EPS8L2: variants seen among roughly 807,000 people sequenced by gnomAD.
The protein encoded by EPS8L2 is EPS8 signaling adaptor L2.
EPS8L2 carries 81 observed loss-of-function variants against 99.4 expected under a neutral mutation model. That is an observed-to-expected ratio of 0.82 (90% confidence interval 0.68 to 0.98). The LOEUF is 0.98. Among genes scored for constraint, EPS8L2 ranks in the 50% least tolerant of loss-of-function variants. The pLI, the probability that EPS8L2 is intolerant of heterozygous loss-of-function variation, is 0.00. For synonymous variants in EPS8L2, 509 were observed against 407.3 expected (o/e 1.25, Z -3.01); for missense variants, 1,155 against 968.8 (o/e 1.19, Z -2.55).
At chr11:721,807 A>T in intron 10 of EPS8L2, 96 bp from the exon 11 acceptor site, 2 of 1,509,392 alleles carry the variant, frequency 1.3e-6, no homozygotes, top group Non-Finnish European at 1.8e-6. Context: ...GAGGTGGAGG[A>T]AGGTCCAGCC....
chr11:725,497 T>G, intron 16 of EPS8L2, among the ~76,000 whole-genome samples: 1 of 151,422 alleles, frequency 6.6e-6, no homozygotes, highest in Non-Finnish European at 1.5e-5. Flanking sequence ...GGCGGCAGAG[T>G]GAGACCCTGT....
At chr11:716,151 G>A (rs1248557089) in intron 4 of EPS8L2, among the ~76,000 whole-genome samples, 12 of 143,016 alleles carry the variant, frequency 8.4e-5, no homozygotes, top group Admixed American at 2.1e-4. Context: ...TTTTGTGTGG[G>A]GTTTTTTTTT....
chr11:720,190 C>G lies in EPS8L2; in HGVS notation c.294C>G (p.Asp98Glu). Residue 98 changes from aspartate (D) to glutamate (E), a missense_variant, in exon 5 of 21, where the codon GAC becomes GAG. Coordinates refer to ENST00000318562, the MANE Select transcript of EPS8L2 (RefSeq NM_022772.4). ...WTQEMLLQVNDQSLRLLDIES... is the reference protein window; with the variant it reads ...WTQEMLLQVNEQSLRLLDIES... ...AGGAGATGCTGCTGCAGGTGAACGA[C>G]CAGTCGCTGCGGCTGCTGGACATCG... 6.2e-7 allele frequency: 1 copy of G among 1,613,352 alleles called. No individual in the cohort carries two copies. The highest frequency in any genetic ancestry group is 8.5e-7 in the Non-Finnish European group (1 of 1,179,972).
In EPS8L2 at chr11:722,823, C is replaced by T; in HGVS notation, c.1341+18C>T. The T allele has an allele frequency of 6.6e-7, 1 of 1,517,556 alleles. No homozygotes were observed. The highest frequency in any genetic ancestry group is 1.2e-5 in the South Asian group (1 of 80,342). 94.0% of individuals were successfully genotyped at this position (1,517,556 alleles called of 1,614,324 possible). Reference sequence around the variant, plus strand: ...TCGAGGAGGTGAGAGCACCAGCAGCCCCCATCCCTACCCCAGCCCCAACAC... The same window carrying T: ...TCGAGGAGGTGAGAGCACCAGCAGCTCCCATCCCTACCCCAGCCCCAACAC... On this transcript the variant is annotated intron_variant, in intron 14 of 20. Transcript: ENST00000318562.
chr11:706,524 G>A, intron 1 of EPS8L2: 1 of 152,688 alleles, frequency 6.5e-6, no homozygotes, highest in Non-Finnish European at 1.5e-5. Context: ...GGTCCTGGGC[G>A]GCGGCCGGCG....
Position 725,733 on chromosome 11 carries a change from G to C in EPS8L2, c.1566G>C (p.Leu522=). Reference sequence around the variant, plus strand: ...GCTGACGGCGCGCCCCGCAGGTGCTGGAGGACGGCCGGCAGTGGTGGAAGC... The same window carrying C: ...GCTGACGGCGCGCCCCGCAGGTGCTCGAGGACGGCCGGCAGTGGTGGAAGC... ...SVLKDEVLEV[L]EDGRQWWKLR... is the part of the protein sequence containing the mutation. Residue 522 remains leucine (L), a synonymous_variant, in exon 17 of 21, where the codon CTG becomes CTC. Transcript: ENST00000318562. The C allele has an allele frequency of 7.5e-7, 1 of 1,327,020 alleles. No individual in the cohort carries two copies. The highest frequency in any genetic ancestry group is 9.6e-7 in the Non-Finnish European group (1 of 1,040,278). 82.2% of individuals were successfully genotyped at this position (1,327,020 alleles called of 1,614,324 possible).
chr11:721,920 C>A lies in EPS8L2; in HGVS notation c.913C>A (p.Arg305=). Reference sequence around the variant, plus strand: ...CATGCCAGAGGGCGTCCTCACACTGCGGGCACGGCCCCCCTCTGAGGGCGA... The same window carrying A: ...CATGCCAGAGGGCGTCCTCACACTGAGGGCACGGCCCCCCTCTGAGGGCGA... ...KAPAEGVLTL[R]ARPPSEGEFI... The change falls in exon 11 of 21, where the codon CGG becomes AGG. Residue 305 remains arginine, a synonymous_variant. Transcript: ENST00000318562. The A allele has an allele frequency of 6.3e-7, 1 of 1,593,234 alleles. No homozygotes were observed. The highest frequency in any genetic ancestry group is 8.5e-7 in the Non-Finnish European group (1 of 1,170,322).
rs903535044 is a variant in EPS8L2 at position 726,769 on chromosome 11, C to T, written c.2067+18C>T. On this transcript the variant is annotated intron_variant, in intron 20 of 20. Transcript: ENST00000318562. ...TCCTGGAGGTGAGCCCGCCTGCGCT[C>T]CGGCGCCACGCCCCTCCTGCCCCTG... 1 of 1,584,016 alleles carries T rather than the reference C, an allele frequency of 6.3e-7. No homozygotes were observed. The highest frequency in any genetic ancestry group is 8.6e-7 in the Non-Finnish European group (1 of 1,166,770).
intron 15 of EPS8L2, 66 bp downstream of exon 15, chr11:723,419 C>A: frequency 1.5e-6 from 1 of 686,906 alleles, no homozygotes; most frequent in Non-Finnish European, 2.4e-6. Context: ...TCTCTAAAAA[C>A]ATATGGGTAC....
In EPS8L2 at chr11:715,167, C is replaced by T. The variant is rs375811874; in HGVS notation, c.165+4681C>T. On this transcript the variant is annotated intron_variant, in intron 4 of 20. Coordinates refer to ENST00000318562, the MANE Select transcript of EPS8L2 (RefSeq NM_022772.4). Reference sequence around the variant, plus strand: ...TGAGGCAGGAGAATGGCGTGAACCCCGGAGGCGGAGCTTGCAGTAAGCTGA... The same window carrying T: ...TGAGGCAGGAGAATGGCGTGAACCCTGGAGGCGGAGCTTGCAGTAAGCTGA... Among the ~76,000 whole-genome samples the T allele has an allele frequency of 1.2e-4, 18 of 151,688 alleles. No homozygotes were observed. In the South Asian group the frequency reaches 1.3e-3, roughly 11 times the overall value.
rs1176933391 is a variant in EPS8L2, at chr11:720,034, C to A, written c.166-28C>A. 3.8e-6 allele frequency: 6 copies of A among 1,597,464 alleles called. No individual in the cohort carries two copies. In the South Asian group the frequency reaches 6.8e-5, roughly 18 times the overall value. On this transcript the variant is annotated intron_variant, in intron 4 of 20. Transcript: ENST00000318562. ...GCTTTCGACACAAGGAGGGCTCTGC[C>A]CAGCAGTGACCACCTGCCCACCCCC...
chr11:718,294 C>T (rs1028103151), intron 4 of EPS8L2, among the ~76,000 whole-genome samples: 1 of 152,122 alleles, frequency 6.6e-6, no homozygotes, highest in Non-Finnish European at 1.5e-5. Flanking sequence ...GATCACACCA[C>T]TGCATTCCAG....
Position 722,588 on chromosome 11 carries a change from G to A in EPS8L2, c.1208+39G>A, listed in dbSNP as rs770436318. 5 of 1,610,876 alleles carry A rather than the reference G, an allele frequency of 3.1e-6. No individual in the cohort carries two copies. In the Middle Eastern group the frequency reaches 6.6e-4, roughly 213 times the overall value. On this transcript the variant is annotated intron_variant, in intron 13 of 20. Coordinates refer to ENST00000318562, the MANE Select transcript of EPS8L2 (RefSeq NM_022772.4). Reference sequence around the variant, plus strand: ...GAGCAGTGCCGGGGCTTCATGGGGGGCCAGCGCTGCATGGGGGCCAGCAAG... The same window carrying A: ...GAGCAGTGCCGGGGCTTCATGGGGGACCAGCGCTGCATGGGGGCCAGCAAG...
rs200836812 is a variant in EPS8L2 at position 721,252 on chromosome 11, G to A, written c.701-33G>A. ...GGGCTCCACAGGGCTCGTTGTGGGG[G>A]GCTCGGTGAGCAGCCGCCGTGTCCC... On this transcript the variant is annotated intron_variant, in intron 8 of 20. Coordinates refer to ENST00000318562, the MANE Select transcript of EPS8L2 (RefSeq NM_022772.4). 8.5e-4 allele frequency: 1,311 copies of A among 1,538,142 alleles called. 16 individuals carry two copies. In the East Asian group the frequency reaches 0.028, roughly 33 times the overall value.
chr11:709,456 G>GGCCACC lies in EPS8L2; in HGVS notation c.44+5_44+6insGCCACC. The GGCCACC allele has an allele frequency of 6.3e-7, 1 of 1,588,558 alleles. No homozygotes were observed. Reference sequence around the variant, plus strand: ...CTGCTGCCCGGGTGCCACCAAGTGAGCCCTCCCACCCATCCCGAATACCCC... The same window carrying GGCCACC: ...CTGCTGCCCGGGTGCCACCAAGTGAGGCCACCCCCTCCCACCCATCCCGAATACCCC... On this transcript the variant is annotated splice_donor_region_variant and intron_variant, in intron 2 of 20. Transcript: ENST00000318562.
intron 4 of EPS8L2, among the ~76,000 whole-genome samples, chr11:715,053 T>C (rs113706806): frequency 0.031 from 4,694 of 152,104 alleles, 94 homozygotes; most frequent in Middle Eastern, 0.1. Context: ...CCATTCTGGC[T>C]AACATGGTGA....
At chr11:710,883 G>C (rs993433016) in intron 4 of EPS8L2, among the ~76,000 whole-genome samples, 1 of 152,136 alleles carries the variant, frequency 6.6e-6, no homozygotes, top group African/African-American at 2.4e-5. Context: ...CCCGGGCTCA[G>C]CCACGGGGCC....
intron 15 of EPS8L2, among the ~76,000 whole-genome samples, chr11:723,993 C>T (rs910778935): frequency 2.6e-5 from 4 of 152,206 alleles, no homozygotes; most frequent in Non-Finnish European, 5.9e-5. Context: ...GTCAGCCTGG[C>T]TCCCGTGGTC....
At position 721,687 on chromosome 11, in the gene EPS8L2, A is replaced by C; in HGVS notation, c.891A>C (p.Pro297=). The change falls in exon 10 of 21, where the codon CCA becomes CCC. Residue 297 remains proline (P), a synonymous_variant. Transcript: ENST00000318562. ...GGAAGAAGAAGGGCAAGAAGGCGCC[A>C]GCAGGTGCAGGGGACAGGGACGGGG... The part of the protein sequence containing the change: ...KKGKKKGKKA[P]AEGVLTLRAR... The C allele has an allele frequency of 6.3e-7, 1 of 1,595,784 alleles. No individual in the cohort carries two copies. Among genetic ancestry groups the C allele is most frequent in the Non-Finnish European group, 8.5e-7 (1 of 1,172,402 alleles).
Sources: allele counts gnomAD v4.1 joint callset (sites outside exome capture counted in the v4.1 genomes callset), GRCh38; gene constraint gnomAD v4.1.1; transcripts MANE v1.5; gene names NCBI Gene and HGNC (gene_info 2026-07-23, HGNC 2026-07-21).